CNTN5: variants seen among roughly 807,000 people sequenced by gnomAD.
CNTN5 encodes contactin 5.
CNTN5 carries 77 observed loss-of-function variants against 129.1 expected under a neutral mutation model. That is an observed-to-expected ratio of 0.60 (90% CI 0.50 to 0.72). The LOEUF (loss-of-function observed/expected upper bound fraction) is 0.72. Ranked by LOEUF, CNTN5 falls within the 30% of genes least tolerant of loss-of-function variation. CNTN5 has a pLI of 0.00. For synonymous variants in CNTN5, 509 were observed against 465.6 expected, an observed-to-expected ratio of 1.09 and a Z score of -1.20; for missense variants, 1,478 against 1,328.8, an observed-to-expected ratio of 1.11 and a Z score of -1.75.
At chr11:99,753,455 C>T (rs1007405079) in intron 3 of CNTN5, among the ~76,000 whole-genome samples, 5 of 151,500 alleles carry the variant, frequency 3.3e-5, no homozygotes, top group African/African-American at 4.8e-5. Flanking sequence ...ACCCTAAACA[C>T]TGCGAAAGGA....
chr11:99,963,607 G>A lies in CNTN5; in HGVS notation c.877+6598G>A, dbSNP rs566915052. Among the ~76,000 whole-genome samples the A allele has an allele frequency of 1.0e-3, 155 of 152,240 alleles. 2 individuals carry two copies. The South Asian group carries it at 0.012, about 12-fold the overall frequency. On this transcript the variant is annotated intron_variant, in intron 8 of 24. Coordinates refer to ENST00000524871, the MANE Select transcript of CNTN5 (RefSeq NM_014361.4). ...CAGGTAGTGTGATGCCTCCAGCTTT[G>A]TTCTTTTGGCTTAGGATTGACTTGG...
chr11:99,357,255 A>C (rs1457193616), intron 2 of CNTN5, among the ~76,000 whole-genome samples: 1 of 152,094 alleles, frequency 6.6e-6, no homozygotes, highest in Non-Finnish European at 1.5e-5. Context: ...TCTTTTTAAA[A>C]TTCTCAGACT....
At chr11:99,186,494 T>A (rs2135579334) in intron 1 of CNTN5, among the ~76,000 whole-genome samples, 1 of 152,146 alleles carries the variant, frequency 6.6e-6, no homozygotes, top group East Asian at 1.9e-4. Context: ...GGTTTTTGTA[T>A]ACTTTGCCTG....
intron 13 of CNTN5, among the ~76,000 whole-genome samples, chr11:100,126,022 A>G (rs1487830044): frequency 1.3e-5 from 2 of 151,970 alleles, no homozygotes; most frequent in Non-Finnish European, 2.9e-5. Flanking sequence ...ATTTATTTCA[A>G]ATAATTTTTT....
At chr11:99,101,487 A>G (rs1866732637) in intron 1 of CNTN5, among the ~76,000 whole-genome samples, 1 of 152,230 alleles carries the variant, frequency 6.6e-6, no homozygotes, top group African/African-American at 2.4e-5. Context: ...TAAAATCAAA[A>G]GCAAGTTAGT....
intron 1 of CNTN5, among the ~76,000 whole-genome samples, chr11:99,095,621 G>A (rs145105366): frequency 6.6e-6 from 1 of 151,928 alleles, no homozygotes; most frequent in East Asian, 1.9e-4. Context: ...CAGGCTTGTT[G>A]AGTAGAGTGA....
At chr11:99,316,569 A>C (rs560837793) in intron 1 of CNTN5, among the ~76,000 whole-genome samples, 1 of 152,114 alleles carries the variant, frequency 6.6e-6, no homozygotes, top group African/African-American at 2.4e-5. Flanking sequence ...GGTGTATTTT[A>C]TTTTCAGTAG....
chr11:99,482,022 C>T (rs1167865410), intron 2 of CNTN5, among the ~76,000 whole-genome samples: 1 of 152,040 alleles, frequency 6.6e-6, no homozygotes, highest in Non-Finnish European at 1.5e-5. Flanking sequence ...GGTTCAACAT[C>T]CCTAACATAA....
At chr11:99,704,413 C>A (rs1954663552) in intron 3 of CNTN5, among the ~76,000 whole-genome samples, 2 of 150,930 alleles carry the variant, frequency 1.3e-5, no homozygotes, top group Non-Finnish European at 3.0e-5. Flanking sequence ...AAGTTGTGCA[C>A]TCTACAACTC....
At chr11:99,677,322 G>A (rs1255313214) in intron 3 of CNTN5, among the ~76,000 whole-genome samples, 1 of 151,844 alleles carries the variant, frequency 6.6e-6, no homozygotes, top group Non-Finnish European at 1.5e-5. Context: ...CATGTTCATG[G>A]GAGCTGTTTT....
chr11:99,835,197 T>C (rs1947264342), intron 4 of CNTN5, among the ~76,000 whole-genome samples: 1 of 152,232 alleles, frequency 6.6e-6, no homozygotes, highest in African/African-American at 2.4e-5. Context: ...CAGAAACTGA[T>C]GATGACGCAT....
chr11:99,942,575 C>T (rs1217139747), intron 7 of CNTN5, among the ~76,000 whole-genome samples: 2 of 151,990 alleles, frequency 1.3e-5, no homozygotes, highest in African/African-American at 2.4e-5. Context: ...AGGTTTGTTA[C>T]ATAGGTAATG....
rs535136928 is a variant in CNTN5, at chr11:100,246,344, T to G, written c.2006-9416T>G. Among the ~76,000 whole-genome samples, 3 of 152,268 alleles carry G rather than the reference T, an allele frequency of 2.0e-5. No homozygotes were observed. The East Asian group carries it at 5.8e-4, about 29-fold the overall frequency. ...TGAGGTTCAGAAATTTTCTTAAACCTTTTGCATGAAATAGTACTGAAATAA... is the reference window on the plus strand; with the variant it reads ...TGAGGTTCAGAAATTTTCTTAAACCGTTTGCATGAAATAGTACTGAAATAA... On this transcript the variant is annotated intron_variant, in intron 16 of 24. Coordinates refer to ENST00000524871, the MANE Select transcript of CNTN5 (RefSeq NM_014361.4).
chr11:100,058,236 A>C (rs915675118), intron 9 of CNTN5, among the ~76,000 whole-genome samples: 3 of 152,100 alleles, frequency 2.0e-5, no homozygotes, highest in African/African-American at 7.2e-5. Flanking sequence ...ACAGTCAAAA[A>C]ACTAACTCCA....
At chr11:99,886,975 C>T (rs779142982) in intron 6 of CNTN5, among the ~76,000 whole-genome samples, 2 of 151,824 alleles carry the variant, frequency 1.3e-5, no homozygotes, top group African/African-American at 2.4e-5. Flanking sequence ...TAGGAAGAAA[C>T]GAGAATACAA....
At chr11:99,302,702 G>C (rs187916655) in intron 1 of CNTN5, among the ~76,000 whole-genome samples, 1 of 151,722 alleles carries the variant, frequency 6.6e-6, no homozygotes, top group Admixed American at 6.6e-5. Context: ...TTAATACATT[G>C]AAAATGAGGG....
intron 11 of CNTN5, 109 bp downstream of exon 11, chr11:100,070,669 G>T: frequency 2.2e-6 from 2 of 909,622 alleles, no homozygotes; most frequent in Admixed American, 2.3e-5. Context: ...TTTCTGATTC[G>T]TATAATAGGA....
At chr11:99,758,829 A>G (rs1168850901) in intron 3 of CNTN5, among the ~76,000 whole-genome samples, 1 of 152,104 alleles carries the variant, frequency 6.6e-6, no homozygotes, top group East Asian at 1.9e-4. Context: ...GAGGTTATTC[A>G]TAATTCATAG....
intron 15 of CNTN5, among the ~76,000 whole-genome samples, chr11:100,198,783 G>C (rs981618943): frequency 6.6e-6 from 1 of 151,862 alleles, no homozygotes; most frequent in Non-Finnish European, 1.5e-5. Context: ...CCAAGCATGA[G>C]ACTCATAAGG....
Sources: allele counts gnomAD v4.1 joint callset (sites outside exome capture counted in the v4.1 genomes callset), GRCh38; gene constraint gnomAD v4.1.1; transcripts MANE v1.5; gene names NCBI Gene and HGNC (gene_info 2026-07-23, HGNC 2026-07-21).